The following FER variants were observed in gnomAD, a reference collection of about 807,000 sequenced individuals.
FER encodes the protein FER tyrosine kinase, also known as tyrosine-protein kinase Fer.
FER carries 63 observed loss-of-function variants against 111.0 expected under a neutral mutation model. The ratio of observed to expected loss-of-function variants is 0.57; its 90% CI spans 0.46 to 0.70. FER has a LOEUF of 0.70. Among genes scored for constraint, FER ranks in the 30% least tolerant of loss-of-function variants. FER has a pLI of 0.00. For missense variants in FER, 914 were observed against 954.0 expected, an observed-to-expected ratio of 0.96 and a Z score of 0.55; for synonymous variants, 327 against 313.9, an observed-to-expected ratio of 1.04 and a Z score of -0.44.
chr5:108,993,959 C>G (rs932692098), intron 13 of FER, among the ~76,000 whole-genome samples: 1 of 152,092 alleles, frequency 6.6e-6, no homozygotes, highest in African/African-American at 2.4e-5. Flanking sequence ...CCTTTGCCCA[C>G]TTTTTAATGG....
intron 13 of FER, among the ~76,000 whole-genome samples, chr5:109,032,656 G>A (rs538626837): frequency 4.3e-4 from 65 of 152,180 alleles, no homozygotes; most frequent in Non-Finnish European, 6.8e-4. Flanking sequence ...TGTCACTCAC[G>A]AATCAATTAA....
Position 108,866,950 on chromosome 5 carries a change from A to T in FER, c.482-817A>T, listed in dbSNP as rs189913623. ...GTTTTTAACTCATAACATTATCAGT[A>T]TCTCTCAGACTTCTTCCACATGAAG... is the stretch of plus-strand genomic sequence containing the variant. On this transcript the variant is annotated intron_variant, in intron 5 of 19. Coordinates refer to ENST00000281092, the MANE Select transcript of FER (RefSeq NM_005246.4). 2.1e-3 allele frequency among the ~76,000 whole-genome samples: 319 copies of T among 152,306 alleles called. 3 individuals are homozygous for T. The highest frequency in any genetic ancestry group is 7.1e-3 in the African/African-American group (295 of 41,574).
intron 1 of FER, among the ~76,000 whole-genome samples, chr5:108,766,678 G>C (rs529986760): frequency 2.0e-5 from 3 of 152,340 alleles, no homozygotes; most frequent in Admixed American, 1.3e-4. Flanking sequence ...ACCAGAAGGA[G>C]AGGAATAATC....
At chr5:109,030,437 T>C (rs1452121131) in intron 13 of FER, among the ~76,000 whole-genome samples, 10 of 152,206 alleles carry the variant, frequency 6.6e-5, no homozygotes, top group Admixed American at 3.9e-4. Flanking sequence ...ATTTAAATCT[T>C]TCATTTTTGC....
chr5:109,002,398 G>T (rs1764906440), intron 13 of FER, among the ~76,000 whole-genome samples: 1 of 151,594 alleles, frequency 6.6e-6, no homozygotes, highest in South Asian at 2.1e-4. Context: ...AATAAATGGT[G>T]CTGGGAAAAC....
chr5:109,145,257 T>C (rs965184355), intron 17 of FER, among the ~76,000 whole-genome samples: 1 of 151,998 alleles, frequency 6.6e-6, no homozygotes, highest in Non-Finnish European at 1.5e-5. Context: ...GACTCTCACT[T>C]GGACTTGCAC....
chr5:109,080,361 C>T (rs1186668540), intron 16 of FER, among the ~76,000 whole-genome samples: 1 of 151,968 alleles, frequency 6.6e-6, no homozygotes, highest in Non-Finnish European at 1.5e-5. Flanking sequence ...TGGAATACTC[C>T]ATGTGAGTGA....
intron 13 of FER, among the ~76,000 whole-genome samples, chr5:108,994,675 C>T (rs572414350): frequency 6.6e-6 from 1 of 152,288 alleles, no homozygotes; most frequent in South Asian, 2.1e-4. Context: ...ATGTGAATAG[C>T]ATTGAATTTA....
intron 16 of FER, among the ~76,000 whole-genome samples, chr5:109,094,233 CAG>C (rs953808914): frequency 5.3e-5 from 8 of 149,534 alleles, no homozygotes; most frequent in Admixed American, 2.0e-4. Context: ...GCTACAAAAA[CAG>C]AGTGAAAAGT....
intron 13 of FER, chr5:109,014,792 C>T (rs999721360): frequency 1.3e-5 from 2 of 152,082 alleles, no homozygotes; most frequent in African/African-American, 4.8e-5. Flanking sequence ...TGAAGAGGTC[C>T]ATCACGTCCC....
At chr5:109,046,491 C>T (rs1771991098) in intron 15 of FER, among the ~76,000 whole-genome samples, 1 of 152,058 alleles carries the variant, frequency 6.6e-6, no homozygotes, top group South Asian at 2.1e-4. Flanking sequence ...TAGTTTTTAA[C>T]ATGGTTGTTA....
At chr5:108,856,148 A>T (rs1358352481) in intron 5 of FER, among the ~76,000 whole-genome samples, 2 of 152,126 alleles carry the variant, frequency 1.3e-5, no homozygotes, top group African/African-American at 4.8e-5. Flanking sequence ...TATTCATAGT[A>T]ATAGCTTAGG....
At chr5:109,153,753 T>C (rs1448524138) in intron 17 of FER, among the ~76,000 whole-genome samples, 9 of 151,910 alleles carry the variant, frequency 5.9e-5, no homozygotes, top group Non-Finnish European at 1.2e-4. Context: ...CAGTGATGTA[T>C]AGCTAGTAAT....
chr5:109,146,146 G>A (rs1461081738), intron 17 of FER, among the ~76,000 whole-genome samples: 3 of 124,552 alleles, frequency 2.4e-5, no homozygotes, highest in Non-Finnish European at 3.6e-5. Flanking sequence ...ACAACAGAGA[G>A]GGGGACTGAT....
At chr5:108,903,565 G>A (rs778473042) in intron 10 of FER, among the ~76,000 whole-genome samples, 52 of 152,232 alleles carry the variant, frequency 3.4e-4, no homozygotes, top group African/African-American at 1.2e-3. Flanking sequence ...TTTCTTTTCC[G>A]TAGAGGGAGG....
intron 2 of FER, among the ~76,000 whole-genome samples, chr5:108,796,714 T>G (rs1190862400): frequency 6.6e-6 from 1 of 151,996 alleles, no homozygotes; most frequent in East Asian, 1.9e-4. Context: ...GGCCCAAGTT[T>G]CCTTCAGTCA....
chr5:108,760,657 T>G (rs896570468), intron 1 of FER, among the ~76,000 whole-genome samples: 2 of 152,154 alleles, frequency 1.3e-5, no homozygotes, highest in Non-Finnish European at 2.9e-5. Context: ...TTCAGAGTTG[T>G]CTTCTGAAGC....
At chr5:109,138,897 G>A (rs191596492) in intron 17 of FER, among the ~76,000 whole-genome samples, 346 of 152,246 alleles carry the variant, frequency 2.3e-3, no homozygotes, top group Non-Finnish European at 3.8e-3. Flanking sequence ...GATATGACAG[G>A]GTAAAGGAGA....
Position 109,047,116 on chromosome 5 carries a change from A to G in FER, c.1842A>G (p.Gln614=). ...TCATCTCATCTAGAATTCTCAAGCA[A>G]TATGATCATCCCAATATTGTCAAAC... The part of the protein sequence containing the change: ...KFLQEAKILK[Q]YDHPNIVKLI... Residue 614 remains glutamine, a synonymous_variant, in exon 16 of 20, where the codon CAA becomes CAG. Coordinates refer to ENST00000281092, the MANE Select transcript of FER (RefSeq NM_005246.4). 6.3e-7 allele frequency: 1 copy of G among 1,580,812 alleles called. No individual in the cohort carries two copies. The highest frequency in any genetic ancestry group is 1.1e-5 in the South Asian group (1 of 87,846).
Sources: allele counts gnomAD v4.1 joint callset (sites outside exome capture counted in the v4.1 genomes callset), GRCh38; gene constraint gnomAD v4.1.1; transcripts MANE v1.5; gene names NCBI Gene and HGNC (gene_info 2026-07-23, HGNC 2026-07-21).